CTIF: variants seen among roughly 807,000 people sequenced by gnomAD.
CTIF encodes cap binding complex dependent translation initiation factor.
A neutral mutation model predicts 66.0 loss-of-function variants in CTIF; 21 were observed. The ratio of observed to expected loss-of-function variants is 0.32; its 90% CI spans 0.23 to 0.46. The LOEUF is 0.46. Ranked by LOEUF, CTIF falls within the 20% of genes least tolerant of loss-of-function variation. The pLI is 1.00. For missense variants in CTIF, 739 were observed against 812.7 expected, an observed-to-expected ratio of 0.91 and a Z score of 1.10; for synonymous variants, 345 against 326.4, an observed-to-expected ratio of 1.06 and a Z score of -0.62.
intron 9 of CTIF, among the ~76,000 whole-genome samples, chr18:48,763,020 G>A (rs923291608): frequency 6.6e-6 from 1 of 152,200 alleles, no homozygotes; most frequent in Admixed American, 6.5e-5. Context: ...CCCTGGTGAC[G>A]AATTCCCGCA....
chr18:48,679,076 T>C (rs927797845), intron 6 of CTIF, among the ~76,000 whole-genome samples: 1 of 152,222 alleles, frequency 6.6e-6, no homozygotes, highest in Non-Finnish European at 1.5e-5. Flanking sequence ...TGCCAAACAC[T>C]GATCTAGAAT....
At chr18:48,695,097 A>G (rs1034440442) in intron 6 of CTIF, among the ~76,000 whole-genome samples, 1 of 152,220 alleles carries the variant, frequency 6.6e-6, no homozygotes, top group Non-Finnish European at 1.5e-5. Context: ...CAGCACAGCT[A>G]TTTTGGAAGC....
chr18:48,556,306 G>A (rs910042546), intron 1 of CTIF, among the ~76,000 whole-genome samples: 9 of 152,192 alleles, frequency 5.9e-5, no homozygotes, highest in Non-Finnish European at 1.0e-4. Flanking sequence ...GAGCTTCCAG[G>A]ATTCCAGGCT....
intron 10 of CTIF, among the ~76,000 whole-genome samples, chr18:48,839,945 C>T (rs2146531751): frequency 6.6e-6 from 1 of 152,270 alleles, no homozygotes; most frequent in South Asian, 2.1e-4. Flanking sequence ...TTCCGAGAGG[C>T]CCAGGTGGAC....
intron 6 of CTIF, among the ~76,000 whole-genome samples, chr18:48,685,243 A>G (rs1316781101): frequency 2.0e-5 from 3 of 149,228 alleles, no homozygotes; most frequent in East Asian, 2.0e-4. Flanking sequence ...TTTTCTTGAG[A>G]TGGAGTTTTG....
In CTIF at chr18:48,733,771, C is replaced by T. The variant is rs539536322; in HGVS notation, c.584+22076C>T. Among the ~76,000 whole-genome samples, 11 of 152,346 alleles carry T rather than the reference C, an allele frequency of 7.2e-5. No individual in the cohort carries two copies. The East Asian group carries it at 1.9e-3, about 27-fold the overall frequency. ...TTCAGGCCACGCCTGTGGGGACCCT[C>T]CTGGCTCTTCACACTCAGCTCCCAC... On this transcript the variant is annotated intron_variant, in intron 7 of 11. Coordinates refer to ENST00000256413, the MANE Select transcript of CTIF (RefSeq NM_014772.3).
At chr18:48,613,013 T>C (rs1295422013) in intron 1 of CTIF, among the ~76,000 whole-genome samples, 2 of 152,106 alleles carry the variant, frequency 1.3e-5, no homozygotes, top group African/African-American at 2.4e-5. Context: ...TGTGCGGGCC[T>C]CGAATGATGG....
At chr18:48,672,715 C>T (rs931578574) in intron 6 of CTIF, among the ~76,000 whole-genome samples, 9 of 152,184 alleles carry the variant, frequency 5.9e-5, no homozygotes, top group African/African-American at 1.9e-4. Flanking sequence ...TCCACTTCTG[C>T]ACCCCAGAAG....
chr18:48,846,604 T>C (rs565978626), intron 10 of CTIF, among the ~76,000 whole-genome samples: 20 of 151,526 alleles, frequency 1.3e-4, no homozygotes, highest in African/African-American at 4.6e-4. Flanking sequence ...GATGAATGGA[T>C]GGATGGATGG....
intron 7 of CTIF, among the ~76,000 whole-genome samples, chr18:48,744,378 C>T (rs1401213860): frequency 6.6e-6 from 1 of 152,174 alleles, no homozygotes; most frequent in Non-Finnish European, 1.5e-5. Context: ...GGCATTTCTT[C>T]TCGAATGGCC....
At chr18:48,616,257 T>C (rs8091599) in intron 1 of CTIF, among the ~76,000 whole-genome samples, 62,936 of 152,178 alleles carry the variant, frequency 0.41, 14,942 homozygotes, top group African/African-American at 0.66. Context: ...CTCCTGCAGG[T>C]GGCTCCTTTT....
intron 10 of CTIF, among the ~76,000 whole-genome samples, chr18:48,838,888 C>A (rs2146523311): frequency 6.6e-6 from 1 of 152,330 alleles, no homozygotes; most frequent in South Asian, 2.1e-4. Context: ...CCAGGCACAT[C>A]TCCCTGACAC....
At chr18:48,724,170 C>T (rs2092365705) in intron 7 of CTIF, among the ~76,000 whole-genome samples, 2 of 152,214 alleles carry the variant, frequency 1.3e-5, no homozygotes, top group Non-Finnish European at 2.9e-5. Context: ...CCAAGTAGGC[C>T]TGGACAGATG....
intron 2 of CTIF, among the ~76,000 whole-genome samples, chr18:48,628,198 A>G (rs140816660): frequency 1.4e-3 from 220 of 152,326 alleles, no homozygotes; most frequent in African/African-American, 4.7e-3. Flanking sequence ...GCAAAGGTCA[A>G]GAGTCCCGTT....
chr18:48,851,653 C>T (rs1032117478), intron 10 of CTIF, among the ~76,000 whole-genome samples: 12 of 152,174 alleles, frequency 7.9e-5, no homozygotes, highest in Admixed American at 5.9e-4. Context: ...GCCCCAGGCG[C>T]ACTTCCCTCC....
At chr18:48,657,946 G>A (rs933602362) in intron 3 of CTIF, among the ~76,000 whole-genome samples, 3 of 152,138 alleles carry the variant, frequency 2.0e-5, no homozygotes, top group Admixed American at 2.0e-4. Context: ...GGTCCTCAGT[G>A]TGAGCCAGAG....
intron 10 of CTIF, among the ~76,000 whole-genome samples, 162 bp from the exon 11 acceptor site, chr18:48,857,426 C>T (rs548661673): frequency 3.9e-5 from 6 of 152,366 alleles, no homozygotes; most frequent in Admixed American, 3.9e-4. Flanking sequence ...ACTTTCTGCT[C>T]TCTGACTTTT....
intron 10 of CTIF, among the ~76,000 whole-genome samples, chr18:48,832,963 A>G (rs532028732): frequency 6.6e-6 from 1 of 152,334 alleles, no homozygotes; most frequent in African/African-American, 2.4e-5. Context: ...GGAATGAATT[A>G]GTCTGCCGCT....
intron 7 of CTIF, among the ~76,000 whole-genome samples, chr18:48,752,103 G>T (rs1907881646): frequency 6.6e-6 from 1 of 152,190 alleles, no homozygotes; most frequent in Non-Finnish European, 1.5e-5. Flanking sequence ...TTTAGTCCAT[G>T]CAGTGAGCTA....
Sources: allele counts gnomAD v4.1 joint callset (sites outside exome capture counted in the v4.1 genomes callset), GRCh38; gene constraint gnomAD v4.1.1; transcripts MANE v1.5; gene names NCBI Gene and HGNC (gene_info 2026-07-23, HGNC 2026-07-21).